Variants in SPOCK3 observed in about 807,000 individuals in gnomAD.
The protein encoded by SPOCK3 is testican-3.
SPOCK3 carries 30 observed loss-of-function variants against 56.6 expected under a neutral mutation model. That is an observed-to-expected ratio of 0.53 (90% confidence interval 0.40 to 0.72). The LOEUF (loss-of-function observed/expected upper bound fraction) is 0.72. SPOCK3 is among the 30% of genes least tolerant of loss of function. The probability of loss-of-function intolerance (pLI) is 0.00; values close to 1 mark genes in which losing one functional copy is unlikely to be tolerated. For synonymous variants in SPOCK3, 196 were observed against 183.3 expected (o/e 1.07, Z -0.56); for missense variants, 527 against 530.0 (o/e 0.99, Z 0.06).
At chr4:166,777,844 C>G (rs1443847895) in intron 7 of SPOCK3, among the ~76,000 whole-genome samples, 1 of 152,174 alleles carries the variant, frequency 6.6e-6, no homozygotes, top group African/African-American at 2.4e-5. Context: ...CCCTCTCAAC[C>G]ATTTCAACTA....
chr4:166,841,080 C>G (rs1021059775), intron 6 of SPOCK3, among the ~76,000 whole-genome samples: 3 of 150,894 alleles, frequency 2.0e-5, no homozygotes, highest in African/African-American at 7.4e-5. Context: ...GCCCGGCCCG[C>G]AGAAGTTTTT....
At chr4:167,181,006 T>C (rs1312495075) in intron 2 of SPOCK3, among the ~76,000 whole-genome samples, 5 of 152,220 alleles carry the variant, frequency 3.3e-5, no homozygotes. Context: ...TCCATGGCAC[T>C]GATTCATAAT....
intron 7 of SPOCK3, among the ~76,000 whole-genome samples, chr4:166,784,121 C>A (rs1436181312): frequency 1.3e-5 from 2 of 151,876 alleles, no homozygotes; most frequent in Non-Finnish European, 2.9e-5. Flanking sequence ...TTTCATTCAC[C>A]CAGTGAGAAA....
At chr4:166,952,762 C>G (rs1429908296) in intron 4 of SPOCK3, among the ~76,000 whole-genome samples, 1 of 152,188 alleles carries the variant, frequency 6.6e-6, no homozygotes, top group South Asian at 2.1e-4. Flanking sequence ...CAGAACAGAG[C>G]CCTCAGAAAT....
intron 4 of SPOCK3, among the ~76,000 whole-genome samples, chr4:166,934,831 T>C (rs1297201867): frequency 1.3e-5 from 2 of 151,676 alleles, no homozygotes; most frequent in African/African-American, 4.8e-5. Context: ...TGGTAATAAG[T>C]ACTTTGAAGA....
At chr4:166,790,735 A>G (rs185225929) in intron 7 of SPOCK3, among the ~76,000 whole-genome samples, 1 of 152,290 alleles carries the variant, frequency 6.6e-6, no homozygotes, top group Non-Finnish European at 1.5e-5. Flanking sequence ...ATCTATCTCC[A>G]TATCTGGAAG....
intron 2 of SPOCK3, among the ~76,000 whole-genome samples, chr4:167,106,160 A>G (rs1476644945): frequency 6.6e-6 from 1 of 151,912 alleles, no homozygotes; most frequent in Admixed American, 6.6e-5. Context: ...ATTTCATCCA[A>G]CAGCTTGGAA....
rs1763647368 is a variant in SPOCK3, at chr4:167,142,873, G to T, written c.190-80336C>A. On this transcript the variant is annotated intron_variant, in intron 2 of 10. Coordinates refer to ENST00000357545, the MANE Select transcript of SPOCK3 (RefSeq NM_001040159.2). ...GAAAATATTAGCTAAATAAATTGGA[G>T]GATGGAGCAAGGCAACAAACGTGTG... Among the ~76,000 whole-genome samples the T allele has an allele frequency of 2.6e-5, 4 of 152,062 alleles. No individual in the cohort carries two copies. The South Asian group carries it at 8.3e-4, about 32-fold the overall frequency.
intron 2 of SPOCK3, among the ~76,000 whole-genome samples, chr4:167,169,929 T>C (rs1730349087): frequency 6.6e-6 from 1 of 152,170 alleles, no homozygotes; most frequent in Non-Finnish European, 1.5e-5. Context: ...CAAGCTCTCT[T>C]GCCTGCCACC....
intron 2 of SPOCK3, among the ~76,000 whole-genome samples, chr4:167,070,375 C>T (rs1334693308): frequency 1.3e-5 from 2 of 151,822 alleles, no homozygotes; most frequent in Non-Finnish European, 2.9e-5. Flanking sequence ...GTTTAATATG[C>T]TATTGTTCCA....
At chr4:166,782,741 G>T (rs1290477168) in intron 7 of SPOCK3, among the ~76,000 whole-genome samples, 1 of 151,470 alleles carries the variant, frequency 6.6e-6, no homozygotes, top group African/African-American at 2.4e-5. Context: ...ATTCAATAAG[G>T]GTACATAATT....
At chr4:167,090,629 A>C (rs377075302) in intron 2 of SPOCK3, among the ~76,000 whole-genome samples, 2 of 151,622 alleles carry the variant, frequency 1.3e-5, no homozygotes, top group African/African-American at 2.4e-5. Context: ...TCAGCCTCCC[A>C]AGTAGCTGGG....
chr4:166,768,669 A>T (rs1209251333), intron 7 of SPOCK3, among the ~76,000 whole-genome samples: 2 of 152,044 alleles, frequency 1.3e-5, no homozygotes, highest in Non-Finnish European at 2.9e-5. Context: ...CGTATCTTGG[A>T]GTTGCTCTTC....
chr4:166,849,871 A>C (rs1172569411), intron 6 of SPOCK3, among the ~76,000 whole-genome samples: 2 of 152,154 alleles, frequency 1.3e-5, no homozygotes, highest in African/African-American at 2.4e-5. Flanking sequence ...GCATTAGCAT[A>C]ATGCCCTGAG....
chr4:166,854,634 A>T (rs1358998927), intron 6 of SPOCK3, among the ~76,000 whole-genome samples: 1 of 152,194 alleles, frequency 6.6e-6, no homozygotes, highest in African/African-American at 2.4e-5. Flanking sequence ...AAAATATGTT[A>T]TCAAAATTAT....
chr4:166,863,860 A>G (rs760080992), intron 6 of SPOCK3, among the ~76,000 whole-genome samples: 1 of 152,124 alleles, frequency 6.6e-6, no homozygotes, highest in Non-Finnish European at 1.5e-5. Flanking sequence ...CTGACTGTCA[A>G]TATTAGACAA....
At chr4:166,813,906 CAA>C (rs1039216246) in intron 6 of SPOCK3, among the ~76,000 whole-genome samples, 1 of 151,964 alleles carries the variant, frequency 6.6e-6, no homozygotes, top group African/African-American at 2.4e-5. Context: ...CATTGGTTTG[CAA>C]AGAGTCCCTA....
chr4:167,049,108 CTTTTTT>C (rs34903732), intron 3 of SPOCK3, among the ~76,000 whole-genome samples: 1 of 144,060 alleles, frequency 6.9e-6, no homozygotes, highest in Admixed American at 6.9e-5. Context: ...TTTTCTTTTT[CTTTTTT>C]TTTTTTTGAG....
At chr4:167,168,410 C>T (rs954674795) in intron 2 of SPOCK3, among the ~76,000 whole-genome samples, 1 of 152,120 alleles carries the variant, frequency 6.6e-6, no homozygotes, top group Non-Finnish European at 1.5e-5. Flanking sequence ...TAGAGACTTG[C>T]TGAATGGCTT....
Sources: allele counts gnomAD v4.1 joint callset (sites outside exome capture counted in the v4.1 genomes callset), GRCh38; gene constraint gnomAD v4.1.1; transcripts MANE v1.5; gene names NCBI Gene and HGNC (gene_info 2026-07-23, HGNC 2026-07-21).